Variants in ZNF232 observed in about 807,000 individuals in gnomAD.
ZNF232 encodes the protein zinc finger protein 232, also known as zinc finger and SCAN domain-containing protein 11.
ZNF232 carries 25 observed loss-of-function variants against 25.2 expected under a neutral mutation model. That is an observed-to-expected ratio of 0.99 (90% CI 0.72 to 1.39). ZNF232 has a LOEUF of 1.39. Among genes scored for constraint, ZNF232 ranks in the 40% most tolerant of loss-of-function variants. The pLI, the probability that ZNF232 is intolerant of heterozygous loss-of-function variation, is 0.00. For missense variants in ZNF232, 519 were observed against 520.9 expected (o/e 1.00, Z 0.04); for synonymous variants, 193 against 182.9 (o/e 1.06, Z -0.45).
At chr17:5,109,248 G>A in intron 2 of ZNF232, 146 bp downstream of exon 2, 5 of 1,257,648 alleles carry the variant, frequency 4.0e-6, no homozygotes, top group Non-Finnish European at 5.7e-6. Flanking sequence ...CTCGAGGGCA[G>A]AAAAGACAGA....
chr17:5,111,505 C>A (rs1328958120), intron 1 of ZNF232: 2 of 478,370 alleles, frequency 4.2e-6, no homozygotes, highest in East Asian at 3.5e-5. Flanking sequence ...GGCAGGTGCC[C>A]GCCCGGGGAG....
upstream of ZNF232, among the ~76,000 whole-genome samples, chr17:5,115,619 T>C (rs1261277863): frequency 1.3e-5 from 2 of 150,940 alleles, no homozygotes; most frequent in Non-Finnish European, 2.9e-5. Flanking sequence ...TCCAGAGGGA[T>C]TGATTTGTGA....
At chr17:5,118,858 G>C (rs2072589737) in intron 1 of ZNF232, among the ~76,000 whole-genome samples, 1 of 152,178 alleles carries the variant, frequency 6.6e-6, no homozygotes, top group African/African-American at 2.4e-5. Flanking sequence ...GACTGAGTCT[G>C]GGGTCTTTAT....
chr17:5,121,356 G>A, intron 1 of ZNF232: 2 of 342,456 alleles, frequency 5.8e-6, no homozygotes, highest in South Asian at 4.7e-5. Context: ...AAACCCCTGT[G>A]GCCCACTCTG....
chr17:5,116,957 AGGGCGGTGCCTACATTCTT>A (rs2143679612), intron 1 of ZNF232, among the ~76,000 whole-genome samples: 1 of 152,346 alleles, frequency 6.6e-6, no homozygotes, highest in South Asian at 2.1e-4. Flanking sequence ...ACAGGGCAAG[AGGGCGGTGCCTACATTCTT>A]GGGGAACTGC....
intron 1 of ZNF232, among the ~76,000 whole-genome samples, chr17:5,120,380 G>A (rs1232660502): frequency 6.6e-6 from 1 of 152,142 alleles, no homozygotes; most frequent in Non-Finnish European, 1.5e-5. Context: ...GCACTTGTTG[G>A]GGATGGGTGA....
intron 1 of ZNF232, among the ~76,000 whole-genome samples, chr17:5,117,231 G>A (rs1597945753): frequency 1.3e-5 from 2 of 152,164 alleles, no homozygotes; most frequent in African/African-American, 4.8e-5. Flanking sequence ...TTAAAAGCTC[G>A]ATAAGCCTGG....
chr17:5,107,115 G>A (rs2072278225), intron 3 of ZNF232, among the ~76,000 whole-genome samples: 1 of 150,684 alleles, frequency 6.6e-6, no homozygotes, highest in Admixed American at 6.6e-5. Flanking sequence ...GTTGCCGGGC[G>A]TGGTGGCTCA....
At chr17:5,117,895 C>T (rs1597947176) in intron 1 of ZNF232, among the ~76,000 whole-genome samples, 1 of 152,022 alleles carries the variant, frequency 6.6e-6, no homozygotes, top group South Asian at 2.1e-4. Flanking sequence ...TAAGACCAGG[C>T]TGGCTAACAT....
chr17:5,118,342 C>T (rs2072579166), intron 1 of ZNF232: 1 of 152,484 alleles, frequency 6.6e-6, no homozygotes. Flanking sequence ...CCAGCATGAG[C>T]AAGCTCTTTG....
At chr17:5,116,044 G>A (rs1280261000), upstream of ZNF232, among the ~76,000 whole-genome samples, 1 of 152,232 alleles carries the variant, frequency 6.6e-6, no homozygotes, top group Admixed American at 6.5e-5. Flanking sequence ...ACAGCTAGCG[G>A]CGCGGCGGGA....
In ZNF232 at chr17:5,108,860, A is replaced by G. The variant is rs2072324761; in HGVS notation, c.625+66T>C. On this transcript the variant is annotated intron_variant, in intron 3 of 3. Coordinates refer to ENST00000575898, the Ensembl canonical transcript of ZNF232. ...CTACTACTATTTACCCTTTACAGGT[A>G]CTAGGTACTGTGCCCTTTATAGTCC... 2.5e-6 allele frequency: 4 copies of G among 1,609,786 alleles called. No individual in the cohort carries two copies. The Admixed American group carries it at 6.7e-5, about 27-fold the overall frequency.
At chr17:5,109,232 T>A (rs1214484092) in intron 2 of ZNF232, 162 bp downstream of exon 2, 11 of 1,233,678 alleles carry the variant, frequency 8.9e-6, no homozygotes, top group African/African-American at 1.5e-5. Context: ...TCTTTCTCAT[T>A]CAGGGCTCGA....
intron 1 of ZNF232, 50 bp downstream of exon 1, chr17:5,111,750 A>G: frequency 1.9e-6 from 3 of 1,613,176 alleles, no homozygotes; most frequent in Non-Finnish European, 2.5e-6. Flanking sequence ...CGGGACGGGC[A>G]AAAGCCAAGC....
chr17:5,105,805 A>G, exon 4 of ZNF232: 1 of 1,546,084 alleles, frequency 6.5e-7, no homozygotes. Flanking sequence ...TTCTGTCTGG[A>G]GACGTTCTCC....
intron 1 of ZNF232, among the ~76,000 whole-genome samples, chr17:5,122,504 C>T (rs149059480): frequency 0.014 from 2,182 of 152,372 alleles, 23 homozygotes; most frequent in South Asian, 0.039. Context: ...AAAGGACAAG[C>T]GGCCCGGCGG....
chr17:5,115,930 A>G (rs2072524918), upstream of ZNF232, among the ~76,000 whole-genome samples: 2 of 152,136 alleles, frequency 1.3e-5, no homozygotes, highest in Admixed American at 6.5e-5. Flanking sequence ...CAAGGCTGGG[A>G]TAGCGCCGGG....
exon 4 of ZNF232, chr17:5,105,869 G>A (rs1259554529): frequency 6.2e-7 from 1 of 1,612,082 alleles, no homozygotes; most frequent in Non-Finnish European, 8.5e-7. Flanking sequence ...GATGTCTAAT[G>A]AGCTCTGAGC....
intron 2 of ZNF232, 165 bp downstream of exon 2, chr17:5,109,229 C>A (rs779756714): frequency 1.6e-6 from 2 of 1,224,306 alleles, no homozygotes; most frequent in Non-Finnish European, 2.3e-6. Flanking sequence ...GTCTCTTTCT[C>A]ATTCAGGGCT....
Sources: gnomAD v4.1 joint callset for allele counts (sites outside exome capture counted in the v4.1 genomes callset) on GRCh38, gnomAD v4.1.1 for gene constraint, MANE v1.5 for transcripts, NCBI Gene and HGNC (gene_info 2026-07-23, HGNC 2026-07-21) for gene names.